Variants in UBR3 observed in about 807,000 individuals in gnomAD.
UBR3 encodes ubiquitin protein ligase E3 component n-recognin 3.
Under a neutral mutation model 243.2 loss-of-function variants are expected in UBR3, and 85 were observed. The observed-to-expected ratio is 0.35, with a 90% CI of 0.29 to 0.42. UBR3 has a LOEUF of 0.42. Among genes scored for constraint, UBR3 ranks in the 10% least tolerant of loss-of-function variants. The pLI is 1.00. For missense variants in UBR3, 1,686 were observed against 2,300.8 expected, an observed-to-expected ratio of 0.73 and a Z score of 5.47; for synonymous variants, 748 against 799.8, an observed-to-expected ratio of 0.94 and a Z score of 1.09.
chr2:169,899,381 T>G (rs894947978), intron 8 of UBR3, among the ~76,000 whole-genome samples: 2 of 152,252 alleles, frequency 1.3e-5, no homozygotes, highest in African/African-American at 4.8e-5. Context: ...TTTATCTACA[T>G]ATATTGCTTT....
chr2:170,020,207 A>G (rs1410270317), intron 30 of UBR3, among the ~76,000 whole-genome samples: 1 of 152,050 alleles, frequency 6.6e-6, no homozygotes, highest in Non-Finnish European at 1.5e-5. Flanking sequence ...TTGAACCACA[A>G]TTTTGTTCAA....
intron 31 of UBR3, 113 bp from the exon 32 acceptor site, chr2:170,040,769 C>T (rs973622361): frequency 1.6e-5 from 13 of 829,264 alleles, no homozygotes; most frequent in African/African-American, 1.2e-4. Context: ...TACATTTCTT[C>T]TTTGTGTATT....
At chr2:169,867,411 A>T in intron 1 of UBR3, among the ~76,000 whole-genome samples, 1 of 152,198 alleles carries the variant, frequency 6.6e-6, no homozygotes, top group East Asian at 1.9e-4. Flanking sequence ...GATCTGCCAT[A>T]GTTTGGTTCA....
rs6147023 is a variant in UBR3 at position 170,032,580 on chromosome 2, C to CTTTTTTT, written c.4556+3157_4556+3163dup. ...TTTTCTTTGTGCTTGATGACATTCA[C>CTTTTTTT]TTTTTTTTTTTTTTTTTTTTTTTTT... On this transcript the variant is annotated intron_variant, in intron 31 of 38. Coordinates refer to ENST00000272793, the MANE Select transcript of UBR3 (RefSeq NM_172070.4). Among the ~76,000 whole-genome samples, 11 of 20,478 alleles carry CTTTTTTT rather than the reference C, an allele frequency of 5.4e-4. 1 individual carries two copies. Among genetic ancestry groups the CTTTTTTT allele is most frequent in the African/African-American group, 1.5e-3 (7 of 4,726 alleles). 13.4% of individuals were successfully genotyped at this position (20,478 alleles called of 152,430 possible). A position where few individuals can be genotyped will look rare whatever the true frequency, so the allele number is the denominator to read the frequency against.
chr2:169,929,355 A>G (rs904937233), intron 18 of UBR3, among the ~76,000 whole-genome samples: 2 of 152,116 alleles, frequency 1.3e-5, no homozygotes, highest in Non-Finnish European at 2.9e-5. Context: ...TGGCTGGATC[A>G]CCTGAGGTCA....
intron 24 of UBR3, among the ~76,000 whole-genome samples, chr2:169,971,942 AC>A (rs2105376774): frequency 6.6e-6 from 1 of 152,346 alleles, no homozygotes; most frequent in African/African-American, 2.4e-5. Flanking sequence ...AAATAGAGAC[AC>A]AAAAAACCCT....
At position 169,877,439 on chromosome 2, in the gene UBR3, A is replaced by G. The variant is rs1042103985; in HGVS notation, c.845-55A>G. 2.8e-6 allele frequency: 4 copies of G among 1,453,540 alleles called. No homozygotes were observed. The African/African-American group carries it at 5.8e-5, about 21-fold the overall frequency. The allele number at this position is 1,453,540 out of a possible 1,614,324, so 90.0% of individuals were successfully genotyped here. A position where few individuals can be genotyped will look rare whatever the true frequency, so the allele number is the denominator to read the frequency against. ...ATAGATACTAGTTAATGAAAAGACC[A>G]TACTGAGATTTTGAATGGAATATTT... On this transcript the variant is annotated intron_variant, in intron 3 of 38. Transcript: ENST00000272793.
intron 33 of UBR3, among the ~76,000 whole-genome samples, chr2:170,056,453 T>C (rs2091338682): frequency 6.6e-6 from 1 of 152,204 alleles, no homozygotes; most frequent in Non-Finnish European, 1.5e-5. Flanking sequence ...GTAAATACTT[T>C]CAGTAGCTTG....
At chr2:169,997,725 C>G (rs61405132) in intron 26 of UBR3, among the ~76,000 whole-genome samples, 14,459 of 151,956 alleles carry the variant, frequency 0.095, 828 homozygotes, top group African/African-American at 0.16. Context: ...CAGAAAAGAT[C>G]TCAACAACAA....
chr2:170,038,306 T>A (rs1425729960), intron 31 of UBR3, among the ~76,000 whole-genome samples: 1 of 152,234 alleles, frequency 6.6e-6, no homozygotes, highest in African/African-American at 2.4e-5. Context: ...GAGACTCTTT[T>A]AAACACCTGT....
At chr2:169,982,347 AAT>A (rs1167431898) in intron 24 of UBR3, among the ~76,000 whole-genome samples, 8 of 152,104 alleles carry the variant, frequency 5.3e-5, no homozygotes, top group Admixed American at 5.2e-4. Flanking sequence ...TTGTTCTATA[AAT>A]ACTTATTTTA....
chr2:169,949,553 G>T (rs2086924400), intron 22 of UBR3, 52 bp from the exon 23 acceptor site: 4 of 1,416,688 alleles, frequency 2.8e-6, no homozygotes, highest in Admixed American at 2.8e-5. Context: ...TTTTTAAAAT[G>T]ATGCTAAATA....
chr2:169,869,231 T>A (rs2105307952), intron 1 of UBR3, among the ~76,000 whole-genome samples: 2 of 142,504 alleles, frequency 1.4e-5, no homozygotes, highest in African/African-American at 5.2e-5. Flanking sequence ...TTTTTTTTTT[T>A]TTTTTTTTGA....
intron 32 of UBR3, among the ~76,000 whole-genome samples, chr2:170,044,780 T>G (rs545965981): frequency 6.6e-6 from 1 of 152,288 alleles, no homozygotes; most frequent in African/African-American, 2.4e-5. Flanking sequence ...CTCATCTCCC[T>G]GTGCCAAGGT....
At chr2:170,023,807 A>G (rs1258284039) in intron 30 of UBR3, among the ~76,000 whole-genome samples, 1 of 152,024 alleles carries the variant, frequency 6.6e-6, no homozygotes, top group Non-Finnish European at 1.5e-5. Context: ...TGAACTCCTG[A>G]ACTCGTGATC....
intron 1 of UBR3, among the ~76,000 whole-genome samples, chr2:169,855,823 C>T (rs774226196): frequency 2.0e-5 from 3 of 152,240 alleles, no homozygotes; most frequent in African/African-American, 7.2e-5. Context: ...TCGACAAAAC[C>T]GCCATCGTCA....
At chr2:169,936,847 G>A (rs1289402530) in intron 19 of UBR3, among the ~76,000 whole-genome samples, 5 of 152,182 alleles carry the variant, frequency 3.3e-5, no homozygotes, top group Non-Finnish European at 5.9e-5. Flanking sequence ...CAAAGGACAT[G>A]AACTCATCCT....
At chr2:169,996,997 C>G (rs887347463) in intron 26 of UBR3, among the ~76,000 whole-genome samples, 1 of 151,786 alleles carries the variant, frequency 6.6e-6, no homozygotes, top group African/African-American at 2.4e-5. Context: ...CCATGCCCGG[C>G]CTGCTTTGGA....
chr2:169,883,781 A>G (rs964836602), intron 5 of UBR3, among the ~76,000 whole-genome samples: 34 of 152,356 alleles, frequency 2.2e-4, no homozygotes, highest in East Asian at 1.9e-4. Flanking sequence ...TTCCTTAAGT[A>G]TAGTAGTTAC....
Sources: allele counts gnomAD v4.1 joint callset (sites outside exome capture counted in the v4.1 genomes callset), GRCh38; gene constraint gnomAD v4.1.1; transcripts MANE v1.5; gene names NCBI Gene and HGNC (gene_info 2026-07-23, HGNC 2026-07-21).